Variants in ALDH1A2 observed in about 807,000 individuals in gnomAD.
The protein encoded by ALDH1A2 is retinal dehydrogenase 2.
ALDH1A2 carries 27 observed loss-of-function variants against 60.3 expected under a neutral mutation model. The ratio of observed to expected loss-of-function variants is 0.45; its 90% confidence interval spans 0.33 to 0.62. The LOEUF (loss-of-function observed/expected upper bound fraction) is 0.62, where lower values mean the gene tolerates loss of function less well. Among genes scored for constraint, ALDH1A2 ranks in the 20% least tolerant of loss-of-function variants. ALDH1A2 has a pLI of 0.02. For synonymous variants in ALDH1A2, 289 were observed against 232.4 expected, an observed-to-expected ratio of 1.24 and a Z score of -2.21; for missense variants, 581 against 643.8, an observed-to-expected ratio of 0.90 and a Z score of 1.06.
chr15:57,961,919 T>C (rs1165223530), intron 10 of ALDH1A2, 93 bp downstream of exon 10: 1 of 1,504,466 alleles, frequency 6.6e-7, no homozygotes, highest in Non-Finnish European at 9.2e-7. Flanking sequence ...ATGTAAAATA[T>C]AAAGAGCTAA....
intron 12 of ALDH1A2, among the ~76,000 whole-genome samples, chr15:57,956,410 G>C (rs1010659791): frequency 6.6e-6 from 1 of 152,228 alleles, no homozygotes; most frequent in African/African-American, 2.4e-5. Context: ...CTTTACAAGA[G>C]AGACCTGCTG....
At chr15:58,017,666 A>T (rs1341605002) in intron 1 of ALDH1A2, among the ~76,000 whole-genome samples, 1 of 152,148 alleles carries the variant, frequency 6.6e-6, no homozygotes, top group East Asian at 1.9e-4. Context: ...AGTTATTTGC[A>T]TTCAAAGGCA....
intron 4 of ALDH1A2, among the ~76,000 whole-genome samples, chr15:57,998,611 A>C (rs1453969247): frequency 6.6e-6 from 1 of 152,184 alleles, no homozygotes; most frequent in Non-Finnish European, 1.5e-5. Context: ...CAATACCATG[A>C]AAATGGCTAT....
intron 1 of ALDH1A2, among the ~76,000 whole-genome samples, chr15:58,053,661 CCTCT>C (rs370322282): frequency 6.6e-6 from 1 of 152,008 alleles, no homozygotes; most frequent in Non-Finnish European, 1.5e-5. Context: ...TTTTCTACGC[CCTCT>C]CTTTTTCTCT....
At chr15:57,995,175 T>C in intron 4 of ALDH1A2, 36 bp from the exon 5 acceptor site, 5 of 1,429,230 alleles carry the variant, frequency 3.5e-6, no homozygotes, top group Middle Eastern at 1.8e-4. Context: ...CCAGAAAGTT[T>C]AGATTAGGAA....
chr15:58,028,062 T>C (rs772637382), intron 1 of ALDH1A2, among the ~76,000 whole-genome samples: 13 of 152,052 alleles, frequency 8.5e-5, no homozygotes, highest in Non-Finnish European at 1.8e-4. Flanking sequence ...CACAAAGATA[T>C]TCCTCAAGAA....
chr15:57,963,938 T>G lies in ALDH1A2; in HGVS notation c.1033A>C (p.Lys345Gln), dbSNP rs1566929737. The G allele has an allele frequency of 6.2e-7, 1 of 1,614,154 alleles. No individual in the cohort carries two copies. The highest frequency in any genetic ancestry group is 8.5e-7 in the Non-Finnish European group (1 of 1,179,998). Residue 345 changes from lysine (K) to glutamine (Q), a missense_variant, in exon 9 of 13, where the codon AAG becomes CAG. Physicochemically the swap from Lys to Gln is moderately conservative, Grantham distance 53 (BLOSUM62 1). Transcript: ENST00000249750. ...AAGGGACTCCCCACTACGCGCCTCTTGGCCCGCTCCACGCTTCTTCTCACA... is the reference window on the plus strand; with the variant it reads ...AAGGGACTCCCCACTACGCGCCTCTGGGCCCGCTCCACGCTTCTTCTCACA... ...EFVRRSVERA[K>Q]RRVVGSPFDP... is the part of the protein sequence containing the mutation.
At chr15:58,014,410 T>A (rs1895731014) in intron 1 of ALDH1A2, 129 bp from the exon 2 acceptor site, 1 of 817,020 alleles carries the variant, frequency 1.2e-6, no homozygotes, top group Admixed American at 2.0e-5. Context: ...TTGAAGTGTT[T>A]TAAGAGACCC....
intron 3 of ALDH1A2, among the ~76,000 whole-genome samples, chr15:58,012,805 A>T (rs1254120900): frequency 6.6e-6 from 1 of 152,148 alleles, no homozygotes; most frequent in Non-Finnish European, 1.5e-5. Context: ...GGAAAAAATG[A>T]TTCCTTCCCC....
At position 57,962,062 on chromosome 15, in the gene ALDH1A2, G is replaced by A. The variant is rs200868240; in HGVS notation, c.1201C>T (p.Pro401Ser). The A allele has an allele frequency of 3.7e-6, 6 of 1,614,066 alleles. No individual in the cohort carries two copies. The African/African-American group carries it at 8.0e-5, about 22-fold the overall frequency. Residue 401 changes from proline (P) to serine (S), a missense_variant, in exon 10 of 13, where the codon CCC becomes TCC. By Grantham distance (74) the Pro-to-Ser change is moderately conservative (BLOSUM62 -1). This residue lies in a region of ALDH1A2 where 375 missense variants were observed against 469.7 expected (regional missense o/e 0.80). Transcript: ENST00000249750. Reference protein sequence around the residue: ...GLGRKGFFIEPTVFSNVTDDM... With the variant: ...GLGRKGFFIESTVFSNVTDDM... ...TCAGTGACGTTGGAAAACACTGTGG[G>A]CTCAATGAAAAACCCCTTTCGGCCC...
chr15:58,058,399 GGAAA>G (rs2140582077), intron 1 of ALDH1A2, among the ~76,000 whole-genome samples: 1 of 150,014 alleles, frequency 6.7e-6, no homozygotes, highest in South Asian at 2.1e-4. Context: ...TCTTCTTGTG[GGAAA>G]GAGTCACACA....
intron 4 of ALDH1A2, among the ~76,000 whole-genome samples, chr15:58,004,000 G>A (rs1051695120): frequency 2.0e-5 from 3 of 151,558 alleles, no homozygotes; most frequent in Non-Finnish European, 4.4e-5. Context: ...AACTAGTATT[G>A]CATAATTGTG....
intron 1 of ALDH1A2, among the ~76,000 whole-genome samples, chr15:58,016,761 A>G (rs2140522017): frequency 6.6e-6 from 1 of 152,288 alleles, no homozygotes; most frequent in East Asian, 1.9e-4. Flanking sequence ...AACTAAAATA[A>G]GGAAAAAAAA....
intron 3 of ALDH1A2, 122 bp downstream of exon 3, chr15:58,013,736 A>C (rs1459762098): frequency 1.5e-6 from 2 of 1,341,618 alleles, no homozygotes; most frequent in Non-Finnish European, 2.0e-6. Context: ...TGGGCGACAG[A>C]GCTAGACTCC....
intron 4 of ALDH1A2, among the ~76,000 whole-genome samples, chr15:58,009,433 T>C (rs1371491699): frequency 1.3e-5 from 2 of 151,868 alleles, no homozygotes; most frequent in African/African-American, 4.8e-5. Flanking sequence ...TTTTAGTAAA[T>C]CAGTACTGCT....
intron 4 of ALDH1A2, among the ~76,000 whole-genome samples, chr15:57,995,513 C>T (rs546144529): frequency 6.6e-6 from 1 of 152,054 alleles, no homozygotes; most frequent in South Asian, 2.1e-4. Context: ...ACTGAGTCAA[C>T]AAACCTTTAA....
chr15:57,993,580 A>G (rs757542753), intron 5 of ALDH1A2, among the ~76,000 whole-genome samples: 10 of 152,314 alleles, frequency 6.6e-5, no homozygotes, highest in Middle Eastern at 3.4e-3. Flanking sequence ...AACATATATG[A>G]TTACAAAAAA....
intron 1 of ALDH1A2, among the ~76,000 whole-genome samples, chr15:58,052,922 A>G (rs1413874818): frequency 2.0e-5 from 3 of 152,188 alleles, no homozygotes; most frequent in African/African-American, 7.2e-5. Flanking sequence ...ATTTGTTTCA[A>G]AACACTTTAC....
At chr15:57,962,322 A>G (rs1475175286) in intron 9 of ALDH1A2, 146 bp from the exon 10 acceptor site, 2 of 985,032 alleles carry the variant, frequency 2.0e-6, no homozygotes, top group African/African-American at 3.3e-5. Flanking sequence ...TTACTTACCA[A>G]TTTTTGACCT....
Sources: allele counts gnomAD v4.1 joint callset (sites outside exome capture counted in the v4.1 genomes callset), GRCh38; gene constraint gnomAD v4.1.1; regional missense constraint gnomAD v4.1.1; transcripts MANE v1.5; gene names NCBI Gene and HGNC (gene_info 2026-07-23, HGNC 2026-07-21).